RAB3C: variants seen among roughly 807,000 people sequenced by gnomAD.
The protein encoded by RAB3C is RAB3C, member RAS oncogene family, also known as ras-related protein Rab-3C.
Under a neutral mutation model 26.4 loss-of-function variants are expected in RAB3C, and 17 were observed. The ratio of observed to expected loss-of-function variants is 0.64; its 90% confidence interval spans 0.44 to 0.97. RAB3C has a LOEUF of 0.97. Ranked by LOEUF, RAB3C falls within the 50% of genes least tolerant of loss-of-function variation. The pLI is 0.00. For missense variants in RAB3C, 242 were observed against 281.9 expected, an observed-to-expected ratio of 0.86 and a Z score of 1.01; for synonymous variants, 91 against 95.9, an observed-to-expected ratio of 0.95 and a Z score of 0.30.
chr5:58,588,970 T>A (rs1473538974), intron 1 of RAB3C, among the ~76,000 whole-genome samples: 1 of 152,166 alleles, frequency 6.6e-6, no homozygotes, highest in Non-Finnish European at 1.5e-5. Flanking sequence ...GCGGACATCC[T>A]TATCTTGTTC....
chr5:58,605,294 T>C (rs1260505093), intron 1 of RAB3C, among the ~76,000 whole-genome samples: 1 of 152,136 alleles, frequency 6.6e-6, no homozygotes. Flanking sequence ...TACACTGCTC[T>C]GTACAGGTGC....
chr5:58,831,697 G>A (rs982103014), intron 4 of RAB3C, among the ~76,000 whole-genome samples: 66 of 152,230 alleles, frequency 4.3e-4, no homozygotes, highest in African/African-American at 1.6e-3. Flanking sequence ...GCTGATATTG[G>A]GAATAGCAGG....
intron 2 of RAB3C, among the ~76,000 whole-genome samples, chr5:58,723,290 T>C (rs1438253010): frequency 1.3e-5 from 2 of 151,858 alleles, no homozygotes; most frequent in Non-Finnish European, 2.9e-5. Context: ...TTTTGAGTGC[T>C]ATAATCTGTT....
intron 3 of RAB3C, among the ~76,000 whole-genome samples, chr5:58,750,848 T>C (rs1741506814): frequency 6.6e-6 from 1 of 152,088 alleles, no homozygotes; most frequent in Non-Finnish European, 1.5e-5. Flanking sequence ...CCTCATTTCC[T>C]TCCTTCCTTC....
At chr5:58,604,004 C>T (rs1023035230) in intron 1 of RAB3C, among the ~76,000 whole-genome samples, 1 of 152,196 alleles carries the variant, frequency 6.6e-6, no homozygotes. Context: ...AAGGTATTCT[C>T]TTCATGTAGT....
At chr5:58,693,720 A>C (rs762907377) in intron 2 of RAB3C, among the ~76,000 whole-genome samples, 21 of 152,244 alleles carry the variant, frequency 1.4e-4, no homozygotes, top group Non-Finnish European at 2.6e-4. Context: ...TCATATACAT[A>C]TGTCTCTGTA....
At chr5:58,848,284 T>C (rs1477859419) in intron 4 of RAB3C, 1 of 152,260 alleles carries the variant, frequency 6.6e-6, no homozygotes, top group Non-Finnish European at 1.5e-5. Flanking sequence ...AAAGATTGTT[T>C]CATTTGGTTT....
intron 3 of RAB3C, among the ~76,000 whole-genome samples, chr5:58,734,852 C>T (rs1452644712): frequency 2.0e-5 from 3 of 152,190 alleles, no homozygotes; most frequent in African/African-American, 7.2e-5. Context: ...AAAGTTGCCA[C>T]AGACACTGAA....
intron 3 of RAB3C, among the ~76,000 whole-genome samples, chr5:58,802,641 A>G (rs1742837480): frequency 2.6e-5 from 4 of 152,210 alleles, no homozygotes; most frequent in South Asian, 4.1e-4. Flanking sequence ...TGGGCTAAGA[A>G]TCTGTACGGA....
intron 3 of RAB3C, among the ~76,000 whole-genome samples, chr5:58,769,233 G>A (rs897738029): frequency 7.2e-5 from 11 of 152,004 alleles, no homozygotes; most frequent in African/African-American, 2.7e-4. Context: ...GTATATCCTG[G>A]ACAGCTCACA....
At chr5:58,771,216 G>A (rs1399234338) in intron 3 of RAB3C, among the ~76,000 whole-genome samples, 2 of 152,024 alleles carry the variant, frequency 1.3e-5, no homozygotes, top group Non-Finnish European at 2.9e-5. Context: ...TTGGAGAAGG[G>A]ACAATGCTAG....
At chr5:58,731,284 T>C (rs1741015046) in intron 3 of RAB3C, among the ~76,000 whole-genome samples, 1 of 152,152 alleles carries the variant, frequency 6.6e-6, no homozygotes, top group Non-Finnish European at 1.5e-5. Context: ...AGGAGTTAAA[T>C]TATCCTCTTT....
At chr5:58,754,115 A>T (rs1053450130) in intron 3 of RAB3C, among the ~76,000 whole-genome samples, 4 of 152,130 alleles carry the variant, frequency 2.6e-5, no homozygotes, top group Non-Finnish European at 5.9e-5. Context: ...AAAGCTTTCC[A>T]TCACAAAAGG....
intron 2 of RAB3C, among the ~76,000 whole-genome samples, chr5:58,673,669 C>T (rs891420193): frequency 1.3e-5 from 2 of 152,146 alleles, no homozygotes; most frequent in Admixed American, 6.5e-5. Flanking sequence ...ACATGGTTGA[C>T]GTGTGTGGTG....
chr5:58,643,542 G>A (rs1383625461), intron 2 of RAB3C, among the ~76,000 whole-genome samples: 1 of 152,060 alleles, frequency 6.6e-6, no homozygotes, highest in Non-Finnish European at 1.5e-5. Flanking sequence ...TGGGCATGGT[G>A]GTGGACACCT....
intron 3 of RAB3C, among the ~76,000 whole-genome samples, chr5:58,769,063 G>A (rs1287722560): frequency 3.6e-4 from 54 of 152,034 alleles, no homozygotes; most frequent in Non-Finnish European, 2.9e-5. Context: ...AAGTAAACTG[G>A]GCAGGGTTTG....
chr5:58,737,083 C>T (rs989193660), intron 3 of RAB3C, among the ~76,000 whole-genome samples: 4 of 152,110 alleles, frequency 2.6e-5, no homozygotes, highest in Admixed American at 6.6e-5. Flanking sequence ...TCTCTACCCT[C>T]GTCTTCTGCT....
chr5:58,678,201 G>A (rs1748269074), intron 2 of RAB3C, among the ~76,000 whole-genome samples: 1 of 152,016 alleles, frequency 6.6e-6, no homozygotes, highest in African/African-American at 2.4e-5. Flanking sequence ...AAATTCCTAA[G>A]TATTTTTCAT....
intron 3 of RAB3C, among the ~76,000 whole-genome samples, chr5:58,751,002 C>T (rs1024665907): frequency 6.6e-6 from 1 of 151,902 alleles, no homozygotes; most frequent in Non-Finnish European, 1.5e-5. Flanking sequence ...CTACAGGTGC[C>T]CGTCACCACA....
Sources: allele counts gnomAD v4.1 joint callset (sites outside exome capture counted in the v4.1 genomes callset), GRCh38; gene constraint gnomAD v4.1.1; transcripts MANE v1.5; gene names NCBI Gene and HGNC (gene_info 2026-07-23, HGNC 2026-07-21).